Variants in NKX2-6 observed in about 807,000 individuals in gnomAD.
The protein encoded by NKX2-6 is NK2 homeobox 6.
A neutral mutation model predicts 8.6 loss-of-function variants in NKX2-6; 8 were observed. The ratio of observed to expected loss-of-function variants is 0.93; its 90% CI spans 0.54 to 1.67. The LOEUF (loss-of-function observed/expected upper bound fraction) is 1.67, where lower values mean the gene tolerates loss of function less well. NKX2-6 is among the 40% of genes most tolerant of loss of function. The pLI, the probability that NKX2-6 is intolerant of heterozygous loss-of-function variation, is 0.00. For missense variants in NKX2-6, 475 were observed against 423.1 expected, an observed-to-expected ratio of 1.12 and a Z score of -1.08; for synonymous variants, 210 against 199.3, an observed-to-expected ratio of 1.05 and a Z score of -0.45.
At position 23,702,339 on chromosome 8, in the gene NKX2-6, C is replaced by G; in HGVS notation, c.*112G>C. On this transcript the variant is annotated 3_prime_UTR_variant, in exon 2 of 2. Coordinates refer to ENST00000325017, the MANE Select transcript of NKX2-6 (RefSeq NM_001136271.3). Reference sequence around the variant, plus strand: ...CAGAGATCCCTCCGGAAAGAAGCGCCGTTGGGTAGCAGCTTCCTTCCAGCG... The same window carrying G: ...CAGAGATCCCTCCGGAAAGAAGCGCGGTTGGGTAGCAGCTTCCTTCCAGCG... 2.5e-6 allele frequency: 3 copies of G among 1,206,116 alleles called. No individual in the cohort carries two copies. Among genetic ancestry groups the G allele is most frequent in the Non-Finnish European group, 3.3e-6 (3 of 897,926 alleles). The allele number at this position is 1,206,116 out of a possible 1,614,324, so 74.7% of individuals were successfully genotyped here.
In NKX2-6 at chr8:23,703,041, TG is replaced by T. The variant is rs1351971750; in HGVS notation, c.315del (p.Arg106GlyfsTer98). On this transcript the variant is annotated frameshift_variant, in exon 2 of 2. Transcript: ENST00000325017. LOFTEE classifies it low-confidence loss of function (END_TRUNC). ...TTGCCAACGCCGCGCTCTGGCACCC[TG>T]GTCCCGCCGCCGAGGGGCGAGGCCG... ...LNAASPLGGGTRVPERGVGNS... is the reference protein window; with the variant it reads ...LNAASPLGGGXRVPERGVGNS... 3.5e-5 allele frequency: 54 copies of T among 1,540,712 alleles called. No homozygotes were observed. Among genetic ancestry groups the T allele is most frequent in the Non-Finnish European group, 4.5e-5 (52 of 1,146,210 alleles).
Sources: gnomAD v4.1 joint callset for allele counts on GRCh38, gnomAD v4.1.1 for gene constraint, MANE v1.5 for transcripts, NCBI Gene and HGNC (gene_info 2026-07-23, HGNC 2026-07-21) for gene names.